ACTG2: variants seen among roughly 807,000 people sequenced by gnomAD.
The protein encoded by ACTG2 is actin, gamma-enteric smooth muscle.
ACTG2 carries 16 observed loss-of-function variants against 37.6 expected under a neutral mutation model. The ratio of observed to expected loss-of-function variants is 0.43; its 90% CI spans 0.29 to 0.65. The LOEUF (loss-of-function observed/expected upper bound fraction) is 0.65, where lower values mean the gene tolerates loss of function less well. Ranked by LOEUF, ACTG2 falls within the 30% of genes least tolerant of loss-of-function variation. The probability of loss-of-function intolerance (pLI) is 0.18; values close to 1 mark genes in which losing one functional copy is unlikely to be tolerated. For synonymous variants in ACTG2, 181 were observed against 179.9 expected (o/e 1.01, Z -0.05); for missense variants, 238 against 490.9 (o/e 0.48, Z 4.87).
intron 1 of ACTG2, among the ~76,000 whole-genome samples, chr2:73,899,737 T>C: frequency 6.6e-6 from 1 of 152,192 alleles, no homozygotes; most frequent in East Asian, 1.9e-4. Context: ...GTATTATTGC[T>C]TAGTACATGG....
At chr2:73,908,975 T>C (rs547948630) in intron 4 of ACTG2, 80 bp from the exon 5 acceptor site, 2 of 1,424,296 alleles carry the variant, frequency 1.4e-6, no homozygotes, top group African/African-American at 2.8e-5. Context: ...CTGCCCTTAA[T>C]GAGATTACAA....
chr2:73,913,186 A>AAAG (rs1553396279), intron 5 of ACTG2, among the ~76,000 whole-genome samples: 4 of 151,654 alleles, frequency 2.6e-5, no homozygotes, highest in African/African-American at 9.7e-5. Flanking sequence ...AAAAAAAAAA[A>AAAG]GAATATGCAA....
At chr2:73,904,115 A>T (rs1187378229) in intron 3 of ACTG2, among the ~76,000 whole-genome samples, 3 of 151,610 alleles carry the variant, frequency 2.0e-5, no homozygotes, top group Non-Finnish European at 2.9e-5. Flanking sequence ...TGGGCATGGT[A>T]ACACATGACT....
intron 8 of ACTG2, among the ~76,000 whole-genome samples, chr2:73,917,770 A>G (rs1290671680): frequency 6.6e-6 from 1 of 152,240 alleles, no homozygotes; most frequent in Non-Finnish European, 1.5e-5. Flanking sequence ...GCAAACCAGC[A>G]GGAAACTGGT....
intron 5 of ACTG2, among the ~76,000 whole-genome samples, chr2:73,912,158 T>G (rs1311541851): frequency 6.6e-6 from 1 of 152,248 alleles, no homozygotes; most frequent in Non-Finnish European, 1.5e-5. Flanking sequence ...CTTTGGTTTT[T>G]GTTTTTGTTT....
chr2:73,912,452 C>T (rs1407909945), intron 5 of ACTG2, among the ~76,000 whole-genome samples: 1 of 152,204 alleles, frequency 6.6e-6, no homozygotes, highest in Non-Finnish European at 1.5e-5. Context: ...CCACCGCGCC[C>T]AACCTTGCAC....
chr2:73,913,170 C>CAAAAAAAAAAA (rs58764001), intron 5 of ACTG2, among the ~76,000 whole-genome samples: 2 of 102,452 alleles, frequency 2.0e-5, no homozygotes, highest in Non-Finnish European at 3.8e-5. Flanking sequence ...ACTCTGTCTC[C>CAAAAAAAAAAA]AAAAAAAAAA....
chr2:73,906,483 A>ATACATAC (rs1680019125), intron 3 of ACTG2, among the ~76,000 whole-genome samples: 2 of 150,112 alleles, frequency 1.3e-5, no homozygotes, highest in Non-Finnish European at 1.5e-5. Context: ...TAAATAAATA[A>ATACATAC]ATACATAAAA....
At chr2:73,918,709 A>T (rs879879205) in intron 8 of ACTG2, among the ~76,000 whole-genome samples, 5 of 152,196 alleles carry the variant, frequency 3.3e-5, no homozygotes, top group Non-Finnish European at 7.4e-5. Context: ...TGAACAATGT[A>T]GATATAAATT....
At chr2:73,909,267 G>A (rs1370815049) in intron 5 of ACTG2, 128 bp downstream of exon 5, 2 of 777,124 alleles carry the variant, frequency 2.6e-6, no homozygotes, top group African/African-American at 3.5e-5. Flanking sequence ...CTTTCTTAGG[G>A]ATAATAGGTG....
chr2:73,906,483 A>AATACATAC (rs1553395548), intron 3 of ACTG2, among the ~76,000 whole-genome samples: 5,729 of 150,076 alleles, frequency 0.038, 201 homozygotes, highest in Non-Finnish European at 0.049. Flanking sequence ...TAAATAAATA[A>AATACATAC]ATACATAAAA....
chr2:73,900,787 C>A (rs866772681), intron 1 of ACTG2, among the ~76,000 whole-genome samples: 1 of 152,208 alleles, frequency 6.6e-6, no homozygotes, highest in African/African-American at 2.4e-5. Flanking sequence ...CCTTTCCACA[C>A]TCCCAGAGGT....
chr2:73,917,489 C>A lies in ACTG2; in HGVS notation c.987+724C>A, dbSNP rs1375677305. Among the ~76,000 whole-genome samples the A allele has an allele frequency of 2.6e-5, 4 of 152,346 alleles. No individual in the cohort carries two copies. The East Asian group carries it at 7.7e-4, about 29-fold the overall frequency. On this transcript the variant is annotated intron_variant, in intron 8 of 8. Coordinates refer to ENST00000345517, the MANE Select transcript of ACTG2 (RefSeq NM_001615.4). Reference sequence around the variant, plus strand: ...CTCCTGGGCATCTGCAGGATGGGAGCTTCTCTTCTGCCTCTGGTCTCCAAG... The same window carrying A: ...CTCCTGGGCATCTGCAGGATGGGAGATTCTCTTCTGCCTCTGGTCTCCAAG...
At chr2:73,900,917 C>T (rs1013865513) in intron 1 of ACTG2, among the ~76,000 whole-genome samples, 13 of 152,104 alleles carry the variant, frequency 8.5e-5, no homozygotes, top group Admixed American at 6.6e-4. Flanking sequence ...GCATCTGGAT[C>T]CTAATTCCCT....
At chr2:73,893,396 C>T (rs770047556) in intron 1 of ACTG2, among the ~76,000 whole-genome samples, 115 of 152,180 alleles carry the variant, frequency 7.6e-4, no homozygotes, top group Non-Finnish European at 1.5e-3. Context: ...GTCTGGGAGG[C>T]TGTTTTAGGG....
At chr2:73,896,361 A>AG (rs1432296816) in intron 1 of ACTG2, among the ~76,000 whole-genome samples, 3 of 152,038 alleles carry the variant, frequency 2.0e-5, no homozygotes, top group Admixed American at 6.5e-5. Context: ...AAAAAAAAAA[A>AG]AAAAGAAAAA....
At chr2:73,902,722 G>A (rs373150483) in intron 3 of ACTG2, 69 of 1,551,018 alleles carry the variant, frequency 4.4e-5, no homozygotes, top group East Asian at 3.2e-4. Context: ...CTCATTCACC[G>A]AATTAATTCT....
chr2:73,902,599 A>G (rs1349201004), intron 3 of ACTG2, 111 bp downstream of exon 3: 2 of 1,558,416 alleles, frequency 1.3e-6, no homozygotes, highest in Non-Finnish European at 1.7e-6. Flanking sequence ...AATGCTTCTC[A>G]CTTCTGTCTT....
At chr2:73,897,536 C>A (rs954923282) in intron 1 of ACTG2, among the ~76,000 whole-genome samples, 1 of 152,182 alleles carries the variant, frequency 6.6e-6, no homozygotes, top group Non-Finnish European at 1.5e-5. Flanking sequence ...CACCATGAGG[C>A]TGGACTGTGG....
Sources: gnomAD v4.1 joint callset for allele counts (sites outside exome capture counted in the v4.1 genomes callset) on GRCh38, gnomAD v4.1.1 for gene constraint, MANE v1.5 for transcripts, NCBI Gene and HGNC (gene_info 2026-07-23, HGNC 2026-07-21) for gene names.